Variants in CDX4 observed in about 807,000 individuals in gnomAD.
CDX4 encodes the protein homeobox protein CDX-4.
In CDX4, 11 loss-of-function variants were observed where a neutral mutation model predicts 14.1. That is an observed-to-expected ratio of 0.78 (90% CI 0.49 to 1.29). The LOEUF (loss-of-function observed/expected upper bound fraction) is 1.29. Among genes scored for constraint, CDX4 ranks in the 50% most tolerant of loss-of-function variants. CDX4 has a pLI of 0.00. For synonymous variants in CDX4, 100 were observed against 93.5 expected (o/e 1.07, Z -0.40); for missense variants, 257 against 237.4 (o/e 1.08, Z -0.54).
At chrX:73,453,189 T>C (rs1187186309) in intron 1 of CDX4, among the ~76,000 whole-genome samples, 3 of 111,085 alleles carry the variant, frequency 2.7e-5, no homozygotes, top group Non-Finnish European at 3.8e-5. Context: ...GCTGTGAAAA[T>C]AGGTCAAGAT....
rs778861857 is a variant in CDX4, at chrX:73,447,534, G to A, written c.281G>A (p.Gly94Asp). The A allele has an allele frequency of 5.0e-6, 6 of 1,211,542 alleles. No individual in the cohort carries two copies. The Admixed American group carries it at 1.1e-4, about 22-fold the overall frequency. The change falls in exon 1 of 3, where the codon GGC (glycine) becomes GAC (aspartate). Residue 94 changes from glycine (G) to aspartate (D), a missense_variant. Coordinates refer to ENST00000373514, the MANE Select transcript of CDX4 (RefSeq NM_005193.2). ...SVYPGPSSTM[G>D]TVPVNDVTSS... ...TATCCTGGGCCGTCTAGTACAATGG[G>A]CACAGTGCCGGTGAACGACGTGACC... is the stretch of plus-strand genomic sequence containing the variant.
chrX:73,452,045 T>C (rs1287936225), intron 1 of CDX4, among the ~76,000 whole-genome samples: 1 of 111,022 alleles, frequency 9.0e-6, no homozygotes, highest in Non-Finnish European at 1.9e-5. Context: ...AAGGAGATTT[T>C]GTTCAGTTCA....
intron 1 of CDX4, among the ~76,000 whole-genome samples, chrX:73,452,661 T>C (rs1603328582): frequency 1.8e-5 from 2 of 111,347 alleles, no homozygotes; most frequent in Middle Eastern, 4.7e-3. Flanking sequence ...AAATTAAGAC[T>C]CCCACATAAA....
chrX:73,453,029 T>G (rs961397231), intron 1 of CDX4, among the ~76,000 whole-genome samples: 2 of 111,747 alleles, frequency 1.8e-5, no homozygotes, highest in African/African-American at 6.5e-5. Flanking sequence ...GTAAGAGGTT[T>G]AATAGGAACA....
intron 1 of CDX4, 136 bp from the exon 2 acceptor site, chrX:73,453,381 A>T: frequency 2.0e-6 from 1 of 495,903 alleles, no homozygotes; most frequent in Non-Finnish European, 3.3e-6. Context: ...ACTTTTATGA[A>T]TATTTGATTC....
chrX:73,450,752 T>C (rs2057084445), intron 1 of CDX4, among the ~76,000 whole-genome samples: 1 of 111,742 alleles, frequency 8.9e-6, no homozygotes, highest in Non-Finnish European at 1.9e-5. Context: ...AGATGAAAAG[T>C]CCTCACAGTG....
chrX:73,450,991 G>A (rs114098612), intron 1 of CDX4, among the ~76,000 whole-genome samples: 1,533 of 111,268 alleles, frequency 0.014, 27 homozygotes, highest in African/African-American at 0.047. Flanking sequence ...GGGAGGATGG[G>A]AAGGACTCCA....
chrX:73,453,939 CTATTT>C (rs1303979229), intron 2 of CDX4, among the ~76,000 whole-genome samples: 3 of 111,438 alleles, frequency 2.7e-5, no homozygotes, highest in Non-Finnish European at 3.8e-5. Context: ...GATAAATTTT[CTATTT>C]TATTTTATTA....
chrX:73,449,123 G>A lies in CDX4; in HGVS notation c.502+1368G>A, dbSNP rs886655851. On this transcript the variant is annotated intron_variant, in intron 1 of 2. Coordinates refer to ENST00000373514, the MANE Select transcript of CDX4 (RefSeq NM_005193.2). ...GTCGACTAAGTAGAATAGAAAAAGA[G>A]GTTAGGGTGGGGCACTCCCAGAGTT... Among the ~76,000 whole-genome samples the A allele has an allele frequency of 8.1e-5, 9 of 111,510 alleles. No homozygotes were observed. In the East Asian group the frequency reaches 2.5e-3, roughly 31 times the overall value.
At chrX:73,448,884 C>T (rs771392102) in intron 1 of CDX4, among the ~76,000 whole-genome samples, 1 of 111,911 alleles carries the variant, frequency 8.9e-6, no homozygotes, top group South Asian at 3.8e-4. Flanking sequence ...CTCCTGTTCT[C>T]AGTTCTGCAC....
intron 1 of CDX4, among the ~76,000 whole-genome samples, chrX:73,451,161 T>C (rs774386597): frequency 1.6e-4 from 18 of 111,845 alleles, no homozygotes; most frequent in Admixed American, 5.7e-4. Context: ...GCTTGAACAA[T>C]AAAAGTTAGT....
chrX:73,447,866 T>C (rs1340928339), intron 1 of CDX4, 111 bp downstream of exon 1: 3 of 899,015 alleles, frequency 3.3e-6, no homozygotes, highest in Non-Finnish European at 4.6e-6. Flanking sequence ...AGGGCTTAGC[T>C]GAGGCGACCC....
rs747411736 is a variant in CDX4 at position 73,447,544 on chromosome X, G to T, written c.291G>T (p.Pro97=). Reference sequence around the variant, plus strand: ...CGTCTAGTACAATGGGCACAGTGCCGGTGAACGACGTGACCTCTAGCCCCG... The same window carrying T: ...CGTCTAGTACAATGGGCACAGTGCCTGTGAACGACGTGACCTCTAGCCCCG... The part of the protein sequence containing the change: ...PGPSSTMGTV[P]VNDVTSSPAA... The change falls in exon 1 of 3, where the codon CCG becomes CCT. Residue 97 remains proline, a synonymous_variant. Transcript: ENST00000373514. 8.3e-6 allele frequency: 10 copies of T among 1,209,676 alleles called. No individual in the cohort carries two copies. Among genetic ancestry groups the T allele is most frequent in the Non-Finnish European group, 1.0e-5 (9 of 894,825 alleles).
In CDX4 at chrX:73,454,668, A is replaced by G. The variant is rs1338497579; in HGVS notation, c.*83A>G. ...AAGCTATCTACAGGGGAGTTGGAGCAGGGTGTAATTCCCTGTAAGGCAGTA... is the reference window on the plus strand; with the variant it reads ...AAGCTATCTACAGGGGAGTTGGAGCGGGGTGTAATTCCCTGTAAGGCAGTA... On this transcript the variant is annotated 3_prime_UTR_variant, in exon 3 of 3. Coordinates refer to ENST00000373514, the MANE Select transcript of CDX4 (RefSeq NM_005193.2). 3 of 657,650 alleles carry G rather than the reference A, an allele frequency of 4.6e-6. No individual in the cohort carries two copies. The highest frequency in any genetic ancestry group is 2.9e-5 in the Admixed American group (1 of 34,641). 54.2% of individuals were successfully genotyped at this position (657,650 alleles called of 1,213,427 possible). A position where few individuals can be genotyped will look rare whatever the true frequency, so the allele number is the denominator to read the frequency against.
At position 73,447,678 on chromosome X, in the gene CDX4, GCGC is replaced by G. The variant is rs778831035; in HGVS notation, c.430_432del (p.Ala144del). 8.3e-7 allele frequency: 1 copy of G among 1,205,259 alleles called. No individual in the cohort carries two copies. Among genetic ancestry groups the G allele is most frequent in the African/African-American group, 1.7e-5 (1 of 57,497 alleles). On this transcript the variant is annotated inframe_deletion, in exon 1 of 3. Coordinates refer to ENST00000373514, the MANE Select transcript of CDX4 (RefSeq NM_005193.2). The stretch of plus-strand genomic sequence containing the variant: ...GGGTCGCTTGTCCCGACGGACGCAG[GCGC>G]CGCCAAGGCCAGTTCCCCCAGCAGG...
At position 73,454,658 on chromosome X, in the gene CDX4, G is replaced by T; in HGVS notation, c.*73G>T. 1 of 749,456 alleles carries T rather than the reference G, an allele frequency of 1.3e-6. No homozygotes were observed. Among genetic ancestry groups the T allele is most frequent in the Non-Finnish European group, 2.0e-6 (1 of 500,464 alleles). 61.8% of individuals were successfully genotyped at this position (749,456 alleles called of 1,213,427 possible). A position where few individuals can be genotyped will look rare whatever the true frequency, so the allele number is the denominator to read the frequency against. On this transcript the variant is annotated 3_prime_UTR_variant, in exon 3 of 3. Coordinates refer to ENST00000373514, the MANE Select transcript of CDX4 (RefSeq NM_005193.2). ...TTGGGTCTCTAAGCTATCTACAGGG[G>T]AGTTGGAGCAGGGTGTAATTCCCTG... is the stretch of plus-strand genomic sequence containing the variant.
intron 1 of CDX4, among the ~76,000 whole-genome samples, chrX:73,452,029 C>T (rs996426782): frequency 9.1e-6 from 1 of 109,444 alleles, no homozygotes; most frequent in Non-Finnish European, 1.9e-5. Flanking sequence ...TTTCTAAGAG[C>T]GGGAAAAGGA....
intron 1 of CDX4, among the ~76,000 whole-genome samples, chrX:73,453,264 A>G (rs1045497180): frequency 5.4e-5 from 6 of 111,590 alleles, no homozygotes; most frequent in Admixed American, 1.9e-4. Context: ...TTGGTTTTAT[A>G]TATAAGGAGA....
rs1478459209 is a variant in CDX4, at chrX:73,447,330, C to G, written c.77C>G (p.Thr26Arg). The G allele has an allele frequency of 1.7e-6, 2 of 1,209,263 alleles. No individual in the cohort carries two copies. The highest frequency in any genetic ancestry group is 4.4e-5 in the Admixed American group (2 of 45,750). The change falls in exon 1 of 3, where the codon ACA becomes AGA. Residue 26 changes from threonine (T) to arginine (R), a missense_variant. Transcript: ENST00000373514. ...GTLMSPGGDGTAGTGGTGGGG... is the reference protein window; with the variant it reads ...GTLMSPGGDGRAGTGGTGGGG... ...CTCATGAGCCCTGGGGGCGACGGCA[C>G]AGCTGGGACAGGCGGCACAGGGGGC...
Sources: allele counts gnomAD v4.1 joint callset (sites outside exome capture counted in the v4.1 genomes callset), GRCh38; gene constraint gnomAD v4.1.1; transcripts MANE v1.5; gene names NCBI Gene and HGNC (gene_info 2026-07-23, HGNC 2026-07-21).